DLEC1: variants seen among roughly 807,000 people sequenced by gnomAD.
The protein encoded by DLEC1 is deleted in lung and esophageal cancer protein 1.
A neutral mutation model predicts 198.1 loss-of-function variants in DLEC1; 146 were observed. That is an observed-to-expected ratio of 0.74 (90% confidence interval 0.64 to 0.85). The LOEUF is 0.85. Among genes scored for constraint, DLEC1 ranks in the 40% least tolerant of loss-of-function variants. The pLI is 0.00. For missense variants in DLEC1, 2,233 were observed against 2,220.0 expected (o/e 1.01, Z -0.12); for synonymous variants, 897 against 866.8 (o/e 1.03, Z -0.61).
intron 2 of DLEC1, among the ~76,000 whole-genome samples, chr3:38,058,931 C>A (rs1305587613): frequency 6.6e-6 from 1 of 152,176 alleles, no homozygotes; most frequent in African/African-American, 2.4e-5. Context: ...CCTCTCCCAA[C>A]CTCAGTCCAC....
At chr3:38,090,144 T>C (rs116584329) in intron 10 of DLEC1, among the ~76,000 whole-genome samples, 1 of 152,082 alleles carries the variant, frequency 6.6e-6, no homozygotes, top group African/African-American at 2.4e-5. Context: ...TACAGTGAAC[T>C]GTGATTGAGC....
intron 2 of DLEC1, among the ~76,000 whole-genome samples, chr3:38,054,221 A>C (rs1696228247): frequency 1.3e-5 from 2 of 149,154 alleles, no homozygotes; most frequent in East Asian, 3.9e-4. Flanking sequence ...AAACAAAAAA[A>C]CAAACAAACA....
chr3:38,076,515 T>A (rs928134486), intron 6 of DLEC1, among the ~76,000 whole-genome samples: 2 of 152,142 alleles, frequency 1.3e-5, no homozygotes, highest in Non-Finnish European at 1.5e-5. Context: ...GTGGGGGAGC[T>A]TTTTGAGCCA....
Position 38,063,866 on chromosome 3 carries a change from G to T in DLEC1, c.1120G>T (p.Ala374Ser). 3 of 1,613,510 alleles carry T rather than the reference G, an allele frequency of 1.9e-6. No homozygotes were observed. The highest frequency in any genetic ancestry group is 2.2e-5 in the South Asian group (2 of 91,028). ...TTGTGCTGATACTCCAGTGTTTCTAGCTAAGCCACCAATTGGGTTTTTCAC... is the reference window on the plus strand; with the variant it reads ...TTGTGCTGATACTCCAGTGTTTCTATCTAAGCCACCAATTGGGTTTTTCAC... ...QSCADTPVFL[A>S]KPPIGFFTDY... The change falls in exon 6 of 37, where the codon GCT (alanine) becomes TCT (serine). Residue 374 changes from alanine to serine, a missense_variant. Ala to Ser is a moderately conservative substitution (Grantham distance 99). Coordinates refer to ENST00000308059, the MANE Select transcript of DLEC1 (RefSeq NM_007335.4).
chr3:38,060,987 C>T (rs1037019537), intron 3 of DLEC1, among the ~76,000 whole-genome samples: 23 of 152,080 alleles, frequency 1.5e-4, no homozygotes, highest in African/African-American at 4.8e-4. Context: ...ACCCGGCCAC[C>T]ACTTAGTATT....
chr3:38,111,797 A>G (rs770673932), intron 24 of DLEC1, 50 bp downstream of exon 24: 4 of 1,585,854 alleles, frequency 2.5e-6, no homozygotes, highest in Non-Finnish European at 3.4e-6. Context: ...GGCCAGAGCC[A>G]CAGCCTTCTG....
chr3:38,079,075 T>G (rs1250336890), intron 6 of DLEC1, among the ~76,000 whole-genome samples: 2 of 152,102 alleles, frequency 1.3e-5, no homozygotes, highest in Non-Finnish European at 2.9e-5. Flanking sequence ...AAGGGGTGCA[T>G]GATCGGTCGC....
intron 27 of DLEC1, among the ~76,000 whole-genome samples, chr3:38,116,186 C>A (rs1700148551): frequency 6.6e-6 from 1 of 152,152 alleles, no homozygotes; most frequent in Non-Finnish European, 1.5e-5. Flanking sequence ...AGCAGAGCAC[C>A]TGCATTCAGG....
intron 34 of DLEC1, 43 bp from the exon 35 acceptor site, chr3:38,121,585 C>T (rs1391508284): frequency 2.5e-6 from 4 of 1,592,052 alleles, no homozygotes; most frequent in Non-Finnish European, 3.4e-6. Context: ...GGCCCTGGCT[C>T]AGAGCCCACC....
In DLEC1 at chr3:38,110,879, CAT is replaced by C. The variant is rs937311590; in HGVS notation, c.3443+600_3443+601del. On this transcript the variant is annotated intron_variant, in intron 23 of 36. Coordinates refer to ENST00000308059, the MANE Select transcript of DLEC1 (RefSeq NM_007335.4). ...GCATATACACATATACATACACATG[CAT>C]AGACACAAATATACACACATACACA... is the stretch of plus-strand genomic sequence containing the variant. Among the ~76,000 whole-genome samples the C allele has an allele frequency of 3.9e-5, 6 of 152,188 alleles. No individual in the cohort carries two copies. In the East Asian group the frequency reaches 5.8e-4, roughly 15 times the overall value.
At position 38,123,005 on chromosome 3, in the gene DLEC1, C is replaced by T. The variant is rs371320646; in HGVS notation, c.*593C>T. 34 of 1,602,000 alleles carry T rather than the reference C, an allele frequency of 2.1e-5. No homozygotes were observed. The highest frequency in any genetic ancestry group is 2.5e-5 in the Non-Finnish European group (29 of 1,170,004). On this transcript the variant is annotated 3_prime_UTR_variant, in exon 37 of 37. Transcript: ENST00000308059. Reference sequence around the variant, plus strand: ...TGGTGTTACTGCCTTGCTGCTAGAGCAGCAGGACTGTCTGCGTAGCGCCTC... The same window carrying T: ...TGGTGTTACTGCCTTGCTGCTAGAGTAGCAGGACTGTCTGCGTAGCGCCTC...
rs1351724110 is a variant in DLEC1 at position 38,112,183 on chromosome 3, T to TC, written c.3515-22dup. 1.2e-6 allele frequency: 2 copies of TC among 1,613,536 alleles called. No individual in the cohort carries two copies. Among genetic ancestry groups the TC allele is most frequent in the African/African-American group, 2.7e-5 (2 of 74,878 alleles). ...TCACTCCCAACCCCAGGCCCGTGAA[T>TC]CCCCCACAGTCGCGGTTCTTTCCCA... On this transcript the variant is annotated intron_variant, in intron 24 of 36. Transcript: ENST00000308059. This position sits in a 1 kb window ranked among gnomAD's most constrained non-coding sequence, Gnocchi z 4.8.
intron 23 of DLEC1, 37 bp downstream of exon 23, chr3:38,110,318 A>C (rs1357067689): frequency 6.2e-7 from 1 of 1,611,348 alleles, no homozygotes; most frequent in South Asian, 1.1e-5. Context: ...GGGCAGATGA[A>C]GCTGGATGGG....
At chr3:38,096,443 G>A (rs1699020939) in intron 14 of DLEC1, 126 bp from the exon 15 acceptor site, 2 of 1,117,530 alleles carry the variant, frequency 1.8e-6, no homozygotes, top group East Asian at 2.4e-5. Flanking sequence ...GATTTAGGGG[G>A]CTCAGGAGCT....
chr3:38,085,550 C>A, intron 8 of DLEC1, 103 bp downstream of exon 8: 1 of 1,431,742 alleles, frequency 7.0e-7, no homozygotes, highest in Non-Finnish European at 9.5e-7. Flanking sequence ...CACAGCTTGG[C>A]TCTCTTGGGC....
chr3:38,108,736 A>C lies in DLEC1; in HGVS notation c.3129+221A>C, dbSNP rs191239806. 1.1e-4 allele frequency among the ~76,000 whole-genome samples: 17 copies of C among 152,248 alleles called. No individual in the cohort carries two copies. In the East Asian group the frequency reaches 3.1e-3, roughly 28 times the overall value. On this transcript the variant is annotated intron_variant, in intron 21 of 36. Coordinates refer to ENST00000308059, the MANE Select transcript of DLEC1 (RefSeq NM_007335.4). Reference sequence around the variant, plus strand: ...AGTAGGCCTGGGGATGTGCCCTGAGACCCACTGGCCATGCCTGGCCTTTGG... The same window carrying C: ...AGTAGGCCTGGGGATGTGCCCTGAGCCCCACTGGCCATGCCTGGCCTTTGG...
intron 33 of DLEC1, among the ~76,000 whole-genome samples, chr3:38,118,582 T>TC (rs984775359): frequency 6.6e-6 from 1 of 152,162 alleles, no homozygotes; most frequent in Non-Finnish European, 1.5e-5. Flanking sequence ...ACCATCAACT[T>TC]CCTCTGGTCT....
chr3:38,087,631 C>T (rs1474113628), intron 9 of DLEC1, among the ~76,000 whole-genome samples: 1 of 151,800 alleles, frequency 6.6e-6, no homozygotes, highest in Admixed American at 6.6e-5. Flanking sequence ...CATTAGCATG[C>T]TCACACCATT....
In DLEC1 at chr3:38,039,427, C is replaced by G. The variant is rs1700543878; in HGVS notation, c.202C>G (p.Gln68Glu). 1 of 1,613,778 alleles carries G rather than the reference C, an allele frequency of 6.2e-7. No individual in the cohort carries two copies. Among genetic ancestry groups the G allele is most frequent in the Non-Finnish European group, 8.5e-7 (1 of 1,179,784 alleles). The stretch of plus-strand genomic sequence containing the variant: ...CGCAGCCCGGCCCCGCCGCCTCACG[C>G]AGCTTGCGCTGGCGCAGCGTCCCGA... ...SFAARPRRLT[Q>E]LALAQRPEPQ... Residue 68 changes from glutamine (Q) to glutamate (E), a missense_variant, in exon 1 of 37, where the codon CAG becomes GAG. Coordinates refer to ENST00000308059, the MANE Select transcript of DLEC1 (RefSeq NM_007335.4).
Sources: gnomAD v4.1 joint callset for allele counts (sites outside exome capture counted in the v4.1 genomes callset) on GRCh38, gnomAD v4.1.1 for gene constraint, Gnocchi (gnomAD v3.1) non-coding constraint, MANE v1.5 for transcripts, NCBI Gene and HGNC (gene_info 2026-07-23, HGNC 2026-07-21) for gene names.